Variants in EYS observed in about 807,000 individuals in gnomAD.
The protein encoded by EYS is protein eyes shut homolog.
In EYS, 250 loss-of-function variants were observed where a neutral mutation model predicts 282.1. The ratio of observed to expected loss-of-function variants is 0.89; its 90% confidence interval spans 0.80 to 0.98. The LOEUF (loss-of-function observed/expected upper bound fraction) is 0.98. Among genes scored for constraint, EYS ranks in the 50% least tolerant of loss-of-function variants. The pLI, the probability that EYS is intolerant of heterozygous loss-of-function variation, is 0.00. For synonymous variants in EYS, 1,355 were observed against 1,282.9 expected, an observed-to-expected ratio of 1.06 and a Z score of -1.20; for missense variants, 4,016 against 3,709.0, an observed-to-expected ratio of 1.08 and a Z score of -2.15.
chr6:64,892,584 A>T (rs1229812599), intron 18 of EYS, among the ~76,000 whole-genome samples: 2 of 152,018 alleles, frequency 1.3e-5, no homozygotes, highest in African/African-American at 4.8e-5. Flanking sequence ...CATGAACCAC[A>T]CTTCTTTACA....
intron 29 of EYS, among the ~76,000 whole-genome samples, chr6:64,369,329 G>A (rs575058386): frequency 6.6e-6 from 1 of 151,968 alleles, no homozygotes; most frequent in South Asian, 2.1e-4. Flanking sequence ...TAGCCTTGTA[G>A]TATAGTCTGG....
intron 33 of EYS, among the ~76,000 whole-genome samples, chr6:64,014,444 C>T (rs1188782856): frequency 1.3e-5 from 2 of 152,026 alleles, no homozygotes. Flanking sequence ...CCTGACAATG[C>T]ATTTTACTGA....
chr6:63,834,924 C>T (rs1269213423), intron 36 of EYS, among the ~76,000 whole-genome samples: 1 of 151,044 alleles, frequency 6.6e-6, no homozygotes, highest in East Asian at 2.0e-4. Flanking sequence ...AAGCTGGAAA[C>T]CATCATTCTG....
chr6:65,203,572 A>C (rs1765956784), intron 12 of EYS, among the ~76,000 whole-genome samples: 1 of 152,184 alleles, frequency 6.6e-6, no homozygotes, highest in African/African-American at 2.4e-5. Flanking sequence ...AGGAGGAAGA[A>C]AAAAGTCATG....
At chr6:65,008,408 C>A (rs529726948) in intron 13 of EYS, among the ~76,000 whole-genome samples, 1 of 151,872 alleles carries the variant, frequency 6.6e-6, no homozygotes. Context: ...AACGTGGCAA[C>A]CTTGGTTTTT....
intron 31 of EYS, among the ~76,000 whole-genome samples, chr6:64,096,038 TA>T (rs1175891288): frequency 6.6e-6 from 1 of 152,216 alleles, no homozygotes; most frequent in African/African-American, 2.4e-5. Flanking sequence ...TATGAAATTC[TA>T]GGTTGATAAT....
chr6:65,136,398 T>G (rs1240594163), intron 12 of EYS, among the ~76,000 whole-genome samples: 1 of 152,054 alleles, frequency 6.6e-6, no homozygotes, highest in Non-Finnish European at 1.5e-5. Flanking sequence ...CATATTACGA[T>G]CACTTTTTTA....
intron 7 of EYS, among the ~76,000 whole-genome samples, chr6:65,389,760 A>G (rs892926681): frequency 2.0e-5 from 3 of 152,132 alleles, no homozygotes; most frequent in South Asian, 4.1e-4. Context: ...TGAATTTGGA[A>G]TACATTAAGT....
intron 28 of EYS, among the ~76,000 whole-genome samples, chr6:64,419,847 C>T (rs1412450627): frequency 1.3e-5 from 2 of 152,194 alleles, no homozygotes; most frequent in African/African-American, 4.8e-5. Context: ...TCCAGGCACA[C>T]AGTGCATGTT....
intron 2 of EYS, among the ~76,000 whole-genome samples, chr6:65,510,566 C>A (rs1350276285): frequency 6.6e-6 from 1 of 152,104 alleles, no homozygotes; most frequent in Non-Finnish European, 1.5e-5. Flanking sequence ...GGTTGAAGAT[C>A]ATTTTCCTGT....
chr6:64,058,200 C>T (rs1238343983), intron 33 of EYS, among the ~76,000 whole-genome samples: 1 of 151,846 alleles, frequency 6.6e-6, no homozygotes, highest in Non-Finnish European at 1.5e-5. Flanking sequence ...TGCCTTTGCT[C>T]CTCCTTCAAC....
intron 9 of EYS, among the ~76,000 whole-genome samples, chr6:65,352,432 A>G (rs920040803): frequency 2.0e-5 from 3 of 151,948 alleles, no homozygotes; most frequent in Non-Finnish European, 2.9e-5. Context: ...TGCATCAGCT[A>G]AGTTAAATAA....
intron 31 of EYS, among the ~76,000 whole-genome samples, chr6:64,141,638 A>C (rs1774340985): frequency 6.6e-6 from 1 of 152,198 alleles, no homozygotes; most frequent in South Asian, 2.1e-4. Context: ...AAAGTATTTA[A>C]ATTCATAAGA....
chr6:64,072,125 C>T (rs765362462), intron 32 of EYS, among the ~76,000 whole-genome samples: 1 of 151,798 alleles, frequency 6.6e-6, no homozygotes, highest in African/African-American at 2.4e-5. Flanking sequence ...TAGATTAAGT[C>T]AATATTGCAG....
chr6:64,049,513 T>C (rs1770737086), intron 33 of EYS, among the ~76,000 whole-genome samples: 1 of 152,202 alleles, frequency 6.6e-6, no homozygotes, highest in African/African-American at 2.4e-5. Flanking sequence ...TTCTTTCCCA[T>C]TGGATTGAAT....
At chr6:64,251,754 A>G (rs1189782353) in intron 30 of EYS, among the ~76,000 whole-genome samples, 1 of 152,154 alleles carries the variant, frequency 6.6e-6, no homozygotes. Context: ...GGTAGTGAGT[A>G]TGCAAAGATT....
intron 26 of EYS, among the ~76,000 whole-genome samples, chr6:64,574,610 G>A (rs974314820): frequency 2.0e-5 from 3 of 152,022 alleles, no homozygotes; most frequent in South Asian, 2.1e-4. Context: ...GAAAAACCTC[G>A]AGGGAGAAGT....
At chr6:64,742,260 C>T (rs570720316) in intron 22 of EYS, among the ~76,000 whole-genome samples, 1 of 152,122 alleles carries the variant, frequency 6.6e-6, no homozygotes, top group African/African-American at 2.4e-5. Flanking sequence ...TCAGAACACA[C>T]ATTTACTGAT....
intron 26 of EYS, among the ~76,000 whole-genome samples, chr6:64,505,633 A>C (rs1442369474): frequency 6.6e-6 from 1 of 152,206 alleles, no homozygotes; most frequent in Non-Finnish European, 1.5e-5. Context: ...TTTCAGAAAT[A>C]TACAAGCATT....
Sources: gnomAD v4.1 joint callset for allele counts (sites outside exome capture counted in the v4.1 genomes callset) on GRCh38, gnomAD v4.1.1 for gene constraint, MANE v1.5 for transcripts, NCBI Gene and HGNC (gene_info 2026-07-23, HGNC 2026-07-21) for gene names.